Variants in ST6GAL2 observed in about 807,000 individuals in gnomAD.
ST6GAL2 encodes beta-galactoside alpha-2,6-sialyltransferase 2.
A neutral mutation model predicts 37.5 loss-of-function variants in ST6GAL2; 24 were observed. The ratio of observed to expected loss-of-function variants is 0.64; its 90% CI spans 0.46 to 0.90. The LOEUF is 0.90. Among genes scored for constraint, ST6GAL2 ranks in the 40% least tolerant of loss-of-function variants. ST6GAL2 has a pLI of 0.00. For synonymous variants in ST6GAL2, 306 were observed against 295.1 expected (o/e 1.04, Z -0.38); for missense variants, 715 against 712.7 (o/e 1.00, Z -0.04).
intron 1 of ST6GAL2, among the ~76,000 whole-genome samples, chr2:106,861,400 C>T (rs1361545301): frequency 2.6e-5 from 4 of 152,034 alleles, no homozygotes; most frequent in African/African-American, 9.7e-5. Context: ...GATGAGAATA[C>T]CCATTTTTAT....
chr2:106,827,334 T>C (rs1676246928), intron 5 of ST6GAL2, among the ~76,000 whole-genome samples: 1 of 152,088 alleles, frequency 6.6e-6, no homozygotes, highest in Non-Finnish European at 1.5e-5. Context: ...ATGATCAAGA[T>C]CAAAGAAGAG....
chr2:106,861,107 A>T (rs1324723594), intron 1 of ST6GAL2, among the ~76,000 whole-genome samples: 4 of 152,218 alleles, frequency 2.6e-5, no homozygotes, highest in African/African-American at 4.8e-5. Context: ...AAATCATCAG[A>T]CTATGAACAT....
At chr2:106,858,310 G>A (rs147342381) in intron 1 of ST6GAL2, among the ~76,000 whole-genome samples, 115 of 152,298 alleles carry the variant, frequency 7.6e-4, no homozygotes, top group African/African-American at 2.6e-3. Flanking sequence ...GCACTCAGCT[G>A]ACAGTAATGT....
intron 1 of ST6GAL2, among the ~76,000 whole-genome samples, chr2:106,860,115 AC>A (rs1553425293): frequency 2.0e-5 from 3 of 151,958 alleles, no homozygotes; most frequent in Non-Finnish European, 4.4e-5. Flanking sequence ...CTCAAATGCC[AC>A]CTATTTAGTA....
intron 1 of ST6GAL2, among the ~76,000 whole-genome samples, chr2:106,877,291 C>T (rs963264138): frequency 4.6e-5 from 7 of 152,154 alleles, no homozygotes; most frequent in Admixed American, 2.6e-4. Flanking sequence ...GTCTTTTGTA[C>T]CTGAAGTTGA....
At chr2:106,865,068 T>C (rs780197447) in intron 1 of ST6GAL2, among the ~76,000 whole-genome samples, 2 of 152,174 alleles carry the variant, frequency 1.3e-5, no homozygotes, top group South Asian at 4.1e-4. Context: ...GAGCTCATCA[T>C]TGTATGAGTA....
intron 5 of ST6GAL2, among the ~76,000 whole-genome samples, chr2:106,822,723 G>A (rs1455080693): frequency 6.6e-6 from 1 of 152,046 alleles, no homozygotes; most frequent in Non-Finnish European, 1.5e-5. Flanking sequence ...TGAGTGAAAA[G>A]AACAAAACTG....
intron 1 of ST6GAL2, among the ~76,000 whole-genome samples, chr2:106,875,339 G>T (rs576122797): frequency 6.6e-6 from 1 of 151,954 alleles, no homozygotes; most frequent in East Asian, 1.9e-4. Context: ...ACCACTCTTG[G>T]CTAATTTTTG....
In ST6GAL2 at chr2:106,843,190, G is replaced by A. The variant is rs1345582889; in HGVS notation, c.788C>T (p.Thr263Met). Residue 263 changes from threonine to methionine, a missense_variant, in exon 2 of 6, where the codon ACG becomes ATG. Transcript: ENST00000409382. ...CQLRSRARVR[T>M]LDGTEAPFSA... ...AAAGGGCGCCTCGGTGCCGTCCAGC[G>A]TCCGCACGCGCGCGCGGCTCCGCAG... 2.6e-6 allele frequency: 4 copies of A among 1,549,352 alleles called. No homozygotes were observed. Among genetic ancestry groups the A allele is most frequent in the South Asian group, 2.4e-5 (2 of 84,536 alleles).
At chr2:106,811,530 G>A (rs1675610117) in intron 5 of ST6GAL2, among the ~76,000 whole-genome samples, 1 of 151,880 alleles carries the variant, frequency 6.6e-6, no homozygotes, top group Non-Finnish European at 1.5e-5. Context: ...TCTTTAAAAA[G>A]GTAAAGATAT....
intron 1 of ST6GAL2, among the ~76,000 whole-genome samples, chr2:106,866,335 T>C (rs1270647853): frequency 2.0e-5 from 3 of 152,328 alleles, no homozygotes; most frequent in Admixed American, 6.5e-5. Context: ...TTTGACTTTG[T>C]GTGCTATACC....
At chr2:106,878,795 C>A (rs1678616937) in intron 1 of ST6GAL2, among the ~76,000 whole-genome samples, 1 of 152,116 alleles carries the variant, frequency 6.6e-6, no homozygotes, top group Admixed American at 6.5e-5. Flanking sequence ...ATACTGGAAC[C>A]AATCCCCTAA....
rs1350842660 is a variant in ST6GAL2 at position 106,806,177 on chromosome 2, A to G, written c.*501T>C. ...GATGTGCTGGGAATTTTTTGCTGTT[A>G]AACACATCTGAGTGATAATTTCAAT... On this transcript the variant is annotated 3_prime_UTR_variant, in exon 6 of 6. Coordinates refer to ENST00000409382, the MANE Select transcript of ST6GAL2 (RefSeq NM_001142351.2). The G allele has an allele frequency of 6.5e-6, 1 of 152,958 alleles. No homozygotes were observed. Among genetic ancestry groups the G allele is most frequent in the Non-Finnish European group, 1.5e-5 (1 of 68,630 alleles). The allele number at this position is 152,958 out of a possible 1,614,324, so 9.5% of individuals were successfully genotyped here. A position where few individuals can be genotyped will look rare whatever the true frequency, so the allele number is the denominator to read the frequency against.
At chr2:106,828,558 A>G (rs1676291351) in intron 5 of ST6GAL2, among the ~76,000 whole-genome samples, 1 of 152,208 alleles carries the variant, frequency 6.6e-6, no homozygotes, top group African/African-American at 2.4e-5. Flanking sequence ...AATATTTCAC[A>G]TTATTACAAT....
intron 1 of ST6GAL2, among the ~76,000 whole-genome samples, chr2:106,845,831 G>A (rs1467832286): frequency 6.6e-6 from 1 of 152,146 alleles, no homozygotes; most frequent in Non-Finnish European, 1.5e-5. Flanking sequence ...GCTTGGACTA[G>A]TAGAATATGG....
chr2:106,855,890 G>C lies in ST6GAL2; in HGVS notation c.-57-11856C>G, dbSNP rs185598889. ...CATTTTACACGGAACTCCAGATTTAGTTAAAGCTTTCTTCTGGTCTTGACA... is the reference window on the plus strand; with the variant it reads ...CATTTTACACGGAACTCCAGATTTACTTAAAGCTTTCTTCTGGTCTTGACA... On this transcript the variant is annotated intron_variant, in intron 1 of 5. Transcript: ENST00000409382. Among the ~76,000 whole-genome samples, 408 of 152,268 alleles carry C rather than the reference G, an allele frequency of 2.7e-3. 2 individuals carry two copies. The highest frequency in any genetic ancestry group is 9.3e-3 in the African/African-American group (387 of 41,552).
chr2:106,866,272 C>T (rs1410954228), intron 1 of ST6GAL2, among the ~76,000 whole-genome samples: 3 of 152,190 alleles, frequency 2.0e-5, no homozygotes, highest in African/African-American at 7.2e-5. Context: ...AGAAGAGCCA[C>T]ACTTGTTTTA....
intron 1 of ST6GAL2, among the ~76,000 whole-genome samples, chr2:106,854,980 T>C (rs1677518513): frequency 1.3e-5 from 2 of 151,964 alleles, no homozygotes; most frequent in Admixed American, 1.3e-4. Context: ...AAAGTAACCC[T>C]GTCAGGGACT....
chr2:106,816,957 G>T (rs1186768348), intron 5 of ST6GAL2, among the ~76,000 whole-genome samples: 1 of 152,178 alleles, frequency 6.6e-6, no homozygotes, highest in Non-Finnish European at 1.5e-5. Context: ...ACTCGGGGCT[G>T]CCCTGTTACA....
Sources: gnomAD v4.1 joint callset for allele counts (sites outside exome capture counted in the v4.1 genomes callset) on GRCh38, gnomAD v4.1.1 for gene constraint, MANE v1.5 for transcripts, NCBI Gene and HGNC (gene_info 2026-07-23, HGNC 2026-07-21) for gene names.